Variants in DST observed in about 807,000 individuals in gnomAD.
DST encodes bullous pemphigoid antigen.
In DST, 253 loss-of-function variants were observed where a neutral mutation model predicts 875.2. The ratio of observed to expected loss-of-function variants is 0.29; its 90% confidence interval spans 0.26 to 0.32. The LOEUF (loss-of-function observed/expected upper bound fraction) is 0.32, where lower values mean the gene tolerates loss of function less well. Among genes scored for constraint, DST ranks in the 10% least tolerant of loss-of-function variants. The pLI is 1.00. For missense variants in DST, 8,287 were observed against 9,111.6 expected, an observed-to-expected ratio of 0.91 and a Z score of 3.68; for synonymous variants, 3,124 against 3,197.1, an observed-to-expected ratio of 0.98 and a Z score of 0.77.
intron 4 of DST, among the ~76,000 whole-genome samples, chr6:56,836,862 A>AAC (rs2099794333): frequency 6.8e-6 from 1 of 146,838 alleles, no homozygotes. Flanking sequence ...AAAAAAAAAA[A>AAC]AGAAAGAAAA....
chr6:56,850,639 A>C (rs1406243669), intron 4 of DST, among the ~76,000 whole-genome samples: 1 of 152,212 alleles, frequency 6.6e-6, no homozygotes, highest in Non-Finnish European at 1.5e-5. Flanking sequence ...ACACCCCTGG[A>C]AGCACCTCTC....
intron 4 of DST, among the ~76,000 whole-genome samples, chr6:56,841,566 A>G (rs915894112): frequency 6.6e-6 from 1 of 152,240 alleles, no homozygotes; most frequent in African/African-American, 2.4e-5. Context: ...GTTTTCAGTC[A>G]CCTGAAATCA....
chr6:56,890,914 T>C (rs1787089893), intron 3 of DST, among the ~76,000 whole-genome samples: 1 of 152,232 alleles, frequency 6.6e-6, no homozygotes, highest in Non-Finnish European at 1.5e-5. Flanking sequence ...ATAACTGATT[T>C]ATTTTTACTC....
intron 53 of DST, among the ~76,000 whole-genome samples, chr6:56,571,332 A>C (rs2097778238): frequency 6.6e-6 from 1 of 152,224 alleles, no homozygotes. Flanking sequence ...AAAACCAAGA[A>C]CATTTCTTCT....
intron 3 of DST, among the ~76,000 whole-genome samples, chr6:56,861,659 T>G (rs1227147812): frequency 1.3e-5 from 2 of 152,190 alleles, no homozygotes; most frequent in Non-Finnish European, 2.9e-5. Flanking sequence ...GACCTGTCCC[T>G]TCCTTGCTTT....
At chr6:56,836,445 G>T (rs1026832094) in intron 4 of DST, among the ~76,000 whole-genome samples, 1 of 152,070 alleles carries the variant, frequency 6.6e-6, no homozygotes, top group African/African-American at 2.4e-5. Context: ...AAAATTTAAG[G>T]CTTAATGCTC....
chr6:56,657,627 C>T (rs72881008), intron 10 of DST, among the ~76,000 whole-genome samples: 1,914 of 152,188 alleles, frequency 0.013, 25 homozygotes, highest in Non-Finnish European at 0.018. Flanking sequence ...GCTTCAGTTA[C>T]ACTGGATGAA....
In DST at chr6:56,616,687, G is replaced by A; in HGVS notation, c.4930-2203C>T. 6.2e-7 allele frequency: 1 copy of A among 1,614,184 alleles called. No homozygotes were observed. On this transcript the variant is annotated intron_variant, in intron 36 of 103. Coordinates refer to ENST00000680361, the MANE Select transcript of DST (RefSeq NM_001374736.1). ...GAGCAATTTCTGGAGGAACACGAAT[G>A]CCTCTCACAGGGTCAATGACACCCC... is the stretch of plus-strand genomic sequence containing the variant.
At chr6:56,626,276 C>A (rs888246857) in intron 34 of DST, among the ~76,000 whole-genome samples, 7 of 152,110 alleles carry the variant, frequency 4.6e-5, no homozygotes, top group Non-Finnish European at 1.0e-4. Flanking sequence ...ACTCAGAGCT[C>A]ACTCACTAAC....
At position 56,792,757 on chromosome 6, in the gene DST, T is replaced by G. The variant is rs568945169; in HGVS notation, c.626-57468A>C. On this transcript the variant is annotated intron_variant, in intron 4 of 103. Transcript: ENST00000680361. Reference sequence around the variant, plus strand: ...AAGGAAATAATAAGACAAACCCAGATTGTGGGACATTATATAAGACAAATG... The same window carrying G: ...AAGGAAATAATAAGACAAACCCAGAGTGTGGGACATTATATAAGACAAATG... 4.3e-4 allele frequency among the ~76,000 whole-genome samples: 66 copies of G among 152,272 alleles called. 1 individual carries two copies. Among genetic ancestry groups the G allele is most frequent in the Non-Finnish European group, 4.6e-4 (31 of 68,022 alleles).
intron 4 of DST, among the ~76,000 whole-genome samples, chr6:56,810,789 T>C (rs1263045047): frequency 1.3e-5 from 2 of 151,822 alleles, no homozygotes; most frequent in East Asian, 1.9e-4. Context: ...TGCTACATCA[T>C]GTCATCTTCA....
intron 3 of DST, among the ~76,000 whole-genome samples, chr6:56,887,764 G>A (rs867156087): frequency 1.8e-4 from 28 of 151,974 alleles, no homozygotes; most frequent in African/African-American, 6.5e-4. Flanking sequence ...ATGAACACAT[G>A]CTTATTTTTC....
chr6:56,738,284 G>C (rs1030815923), intron 4 of DST, among the ~76,000 whole-genome samples: 2 of 152,174 alleles, frequency 1.3e-5, no homozygotes, highest in Non-Finnish European at 2.9e-5. Flanking sequence ...GACAGTAGAA[G>C]TAGTTTGCTA....
At chr6:56,892,514 T>C (rs1788078091) in intron 3 of DST, among the ~76,000 whole-genome samples, 1 of 151,846 alleles carries the variant, frequency 6.6e-6, no homozygotes, top group African/African-American at 2.4e-5. Flanking sequence ...TTAGTAGAGA[T>C]AGGGTCTCCC....
intron 2 of DST, among the ~76,000 whole-genome samples, chr6:56,935,480 G>C (rs561148399): frequency 6.6e-6 from 1 of 152,312 alleles, no homozygotes; most frequent in East Asian, 1.9e-4. Flanking sequence ...ATGGTCTACT[G>C]CTTAATTACT....
intron 61 of DST, chr6:56,540,926 G>A (rs1207149317): frequency 6.6e-6 from 1 of 152,612 alleles, no homozygotes; most frequent in African/African-American, 2.4e-5. Context: ...AATATCTTCA[G>A]TAGAAGACAA....
intron 3 of DST, among the ~76,000 whole-genome samples, chr6:56,895,079 G>T (rs1790492119): frequency 9.9e-6 from 1 of 101,406 alleles, no homozygotes; most frequent in Non-Finnish European, 1.9e-5. Context: ...GGGCAGAGGG[G>T]CTCCTCACTT....
chr6:56,651,407 C>G (rs2098975003), intron 10 of DST, among the ~76,000 whole-genome samples, 163 bp from the exon 11 acceptor site: 1 of 152,200 alleles, frequency 6.6e-6, no homozygotes, highest in Non-Finnish European at 1.5e-5. Context: ...GCTCACTTAT[C>G]TCAGAAACTT....
chr6:56,616,716 T>A (rs778564856), intron 36 of DST: 1 of 1,614,202 alleles, frequency 6.2e-7, no homozygotes, highest in Admixed American at 1.7e-5. Context: ...ACACCCCCAC[T>A]GGCAATCTGG....
Sources: gnomAD v4.1 joint callset for allele counts (sites outside exome capture counted in the v4.1 genomes callset) on GRCh38, gnomAD v4.1.1 for gene constraint, MANE v1.5 for transcripts, NCBI Gene and HGNC (gene_info 2026-07-23, HGNC 2026-07-21) for gene names.